Variants in TUSC3 observed in about 807,000 individuals in gnomAD.
TUSC3 encodes the protein dolichyl-diphosphooligosaccharide--protein glycosyltransferase subunit TUSC3.
In TUSC3, 45 loss-of-function variants were observed where a neutral mutation model predicts 44.8. That is an observed-to-expected ratio of 1.00 (90% CI 0.79 to 1.29). The LOEUF (loss-of-function observed/expected upper bound fraction) is 1.29. Ranked by LOEUF, TUSC3 falls within the 50% of genes most tolerant of loss-of-function variation. The probability of loss-of-function intolerance (pLI) is 0.00; values close to 1 mark genes in which losing one functional copy is unlikely to be tolerated. For synonymous variants in TUSC3, 212 were observed against 152.9 expected (o/e 1.39, Z -2.85); for missense variants, 519 against 437.9 (o/e 1.19, Z -1.65).
At chr8:15,431,730 T>C (rs58073315) in intron 1 of TUSC3, among the ~76,000 whole-genome samples, 2 of 151,584 alleles carry the variant, frequency 1.3e-5, no homozygotes, top group Non-Finnish European at 2.9e-5. Flanking sequence ...CTGGGCAACT[T>C]TGTCTTCCTC....
Position 15,743,553 on chromosome 8 carries a change from T to C in TUSC3, c.878T>C (p.Met293Thr). ...ACTACTGCAGATGCCGCTATCACCA[T>C]GGGGATGGTTCTTCTAAATGAAGCA... ...IILVLNAAIT[M>T]GMVLLNEAAT... Residue 293 changes from methionine to threonine, a missense_variant, in exon 8 of 11, where the codon ATG becomes ACG. Coordinates refer to ENST00000503731, the MANE Select transcript of TUSC3 (RefSeq NM_006765.4). 6.2e-7 allele frequency: 1 copy of C among 1,613,944 alleles called. No individual in the cohort carries two copies. Among genetic ancestry groups the C allele is most frequent in the Non-Finnish European group, 8.5e-7 (1 of 1,179,836 alleles).
the TUSC3 span, among the ~76,000 whole-genome samples, chr8:15,783,094 A>G: frequency 7.9e-5 from 12 of 152,218 alleles, no homozygotes; most frequent in African/African-American, 2.4e-4. Flanking sequence ...TAAGAGAACA[A>G]TTCCACTTAC....
chr8:15,447,732 G>A (rs1052556368), intron 1 of TUSC3, among the ~76,000 whole-genome samples: 4 of 149,396 alleles, frequency 2.7e-5, no homozygotes, highest in Admixed American at 2.0e-4. Flanking sequence ...TTCTTATTTA[G>A]GGAAGGTTAC....
At chr8:15,531,796 G>A (rs567868192) in intron 2 of TUSC3, among the ~76,000 whole-genome samples, 4 of 152,046 alleles carry the variant, frequency 2.6e-5, no homozygotes, top group Non-Finnish European at 4.4e-5. Flanking sequence ...TCAATTATAC[G>A]GTATACTTAC....
At chr8:15,623,514 C>T (rs1016473975) in intron 2 of TUSC3, among the ~76,000 whole-genome samples, 1 of 151,884 alleles carries the variant, frequency 6.6e-6, no homozygotes, top group Admixed American at 6.6e-5. Flanking sequence ...TGCAGATTGC[C>T]TTGTAGGTCA....
intron 1 of TUSC3, among the ~76,000 whole-genome samples, chr8:15,553,363 C>T (rs558437566): frequency 7.9e-5 from 12 of 151,712 alleles, no homozygotes; most frequent in Non-Finnish European, 1.2e-4. Context: ...GCTGCAAAAG[C>T]GATGCTTGCA....
chr8:15,796,482 G>C, the TUSC3 span, among the ~76,000 whole-genome samples: 17 of 152,186 alleles, frequency 1.1e-4, no homozygotes, highest in Admixed American at 2.0e-4. Context: ...AGATCAGTGA[G>C]AATGGCCTTG....
intron 1 of TUSC3, among the ~76,000 whole-genome samples, chr8:15,466,863 C>G (rs918083323): frequency 6.6e-6 from 1 of 152,060 alleles, no homozygotes; most frequent in East Asian, 1.9e-4. Flanking sequence ...CTGTTAATTG[C>G]TCACTCAGAG....
intron 9 of TUSC3, among the ~76,000 whole-genome samples, chr8:15,755,078 T>A (rs1811867599): frequency 6.6e-6 from 1 of 152,136 alleles, no homozygotes; most frequent in Non-Finnish European, 1.5e-5. Context: ...CCTTAACAGT[T>A]TACGTATGAA....
the TUSC3 span, among the ~76,000 whole-genome samples, chr8:15,830,531 T>C: frequency 6.6e-6 from 1 of 152,186 alleles, no homozygotes; most frequent in Admixed American, 6.5e-5. Context: ...GATGGATGAC[T>C]GCATTAAAAA....
At chr8:15,655,965 C>T (rs1807143924) in intron 3 of TUSC3, among the ~76,000 whole-genome samples, 1 of 152,068 alleles carries the variant, frequency 6.6e-6, no homozygotes, top group African/African-American at 2.4e-5. Context: ...GAAAAGATTA[C>T]CTAGGAATCC....
At chr8:15,801,728 G>C in the TUSC3 span, among the ~76,000 whole-genome samples, 1 of 152,148 alleles carries the variant, frequency 6.6e-6, no homozygotes, top group Non-Finnish European at 1.5e-5. Context: ...ACGTACCCTT[G>C]CTGGGCTCAG....
At chr8:15,633,303 A>G (rs1199385957) in intron 2 of TUSC3, among the ~76,000 whole-genome samples, 1 of 152,150 alleles carries the variant, frequency 6.6e-6, no homozygotes, top group Non-Finnish European at 1.5e-5. Flanking sequence ...ATCCATAGCA[A>G]CTCAGTGAGT....
At chr8:15,743,886 C>G (rs1269892299) in intron 8 of TUSC3, among the ~76,000 whole-genome samples, 3 of 152,122 alleles carry the variant, frequency 2.0e-5, no homozygotes, top group African/African-American at 7.2e-5. Context: ...CCTGCTGAAG[C>G]CATAGTCTTG....
chr8:15,425,529 G>A (rs1032948331), intron 1 of TUSC3, among the ~76,000 whole-genome samples: 2 of 152,326 alleles, frequency 1.3e-5, no homozygotes, highest in Non-Finnish European at 2.9e-5. Context: ...AGTACAATAT[G>A]TATGTTGCCT....
chr8:15,713,595 A>C (rs1585257820), intron 6 of TUSC3, among the ~76,000 whole-genome samples: 1 of 152,106 alleles, frequency 6.6e-6, no homozygotes, highest in Non-Finnish European at 1.5e-5. Context: ...TCCGAGACCC[A>C]GGAGTCAGCA....
intron 1 of TUSC3, among the ~76,000 whole-genome samples, chr8:15,458,260 A>G (rs746488816): frequency 6.6e-6 from 1 of 152,090 alleles, no homozygotes; most frequent in Non-Finnish European, 1.5e-5. Flanking sequence ...TCTTTTTAAG[A>G]CAAGGTCTTA....
At chr8:15,596,695 A>C (rs1804084078) in intron 1 of TUSC3, among the ~76,000 whole-genome samples, 1 of 152,086 alleles carries the variant, frequency 6.6e-6, no homozygotes, top group Non-Finnish European at 1.5e-5. Flanking sequence ...TTGATTTATA[A>C]AGAGGTGTTG....
intron 1 of TUSC3, among the ~76,000 whole-genome samples, chr8:15,462,877 G>T (rs893084708): frequency 6.6e-6 from 1 of 152,068 alleles, no homozygotes; most frequent in African/African-American, 2.4e-5. Context: ...AAGGGAAAGA[G>T]AATTTACTCT....
Sources: allele counts gnomAD v4.1 joint callset (sites outside exome capture counted in the v4.1 genomes callset), GRCh38; gene constraint gnomAD v4.1.1; transcripts MANE v1.5; gene names NCBI Gene and HGNC (gene_info 2026-07-23, HGNC 2026-07-21).